The following TNP2 variants were observed in gnomAD, a reference collection of about 807,000 sequenced individuals.
TNP2 encodes the protein transition protein 2.
In TNP2, 10 loss-of-function variants were observed where a neutral mutation model predicts 8.5. The observed-to-expected ratio is 1.17, with a 90% CI of 0.72 to 1.99. The LOEUF (loss-of-function observed/expected upper bound fraction) is 1.99, where lower values mean the gene tolerates loss of function less well. TNP2 is among the 30% of genes most tolerant of loss of function. TNP2 has a pLI of 0.00. For synonymous variants in TNP2, 80 were observed against 62.3 expected (o/e 1.28, Z -1.34); for missense variants, 222 against 181.2 (o/e 1.23, Z -1.29).
Position 11,269,312 on chromosome 16 carries a change from A to T in TNP2, c.-50T>A. On this transcript the variant is annotated 5_prime_UTR_variant, in exon 1 of 2. Transcript: ENST00000312693. ...GGCCTCCTCCTCATCCTCTCCCAGC[A>T]GGCCTAGCTTTACAGAGGCCCTGGC... 1 of 1,552,768 alleles carries T rather than the reference A, an allele frequency of 6.4e-7. No individual in the cohort carries two copies. The highest frequency in any genetic ancestry group is 8.6e-7 in the Non-Finnish European group (1 of 1,157,092).
chr16:11,268,930 GC>G lies in TNP2; in HGVS notation c.332del (p.Gly111AlafsTer3). The G allele has an allele frequency of 6.2e-7, 1 of 1,607,642 alleles. No homozygotes were observed. Among genetic ancestry groups the G allele is most frequent in the Non-Finnish European group, 8.5e-7 (1 of 1,178,070 alleles). On this transcript the variant is annotated frameshift_variant, in exon 1 of 2. Coordinates refer to ENST00000312693, the MANE Select transcript of TNP2 (RefSeq NM_005425.5). LOFTEE classifies it high-confidence loss of function. The part of the protein sequence containing the change: ...RCPKNRKNLE[G>X]KLKKKKMAKR... ...TGGCCATTTTTTTCTTTTTCAGCTT[GC>G]CTTCCAAGTTCTTTCTGTTCTTGGG... is the stretch of plus-strand genomic sequence containing the variant.
intron 1 of TNP2, 197 bp from the exon 2 acceptor site, chr16:11,268,209 C>T (rs1449798051): frequency 4.8e-5 from 26 of 539,668 alleles, no homozygotes; most frequent in Middle Eastern, 4.8e-4. Context: ...TTCCATTTGT[C>T]ATCCACCCAT....
In TNP2 at chr16:11,269,296, C is replaced by T. The variant is rs1327084278; in HGVS notation, c.-34G>A. 6.4e-7 allele frequency: 1 copy of T among 1,573,372 alleles called. No homozygotes were observed. Among genetic ancestry groups the T allele is most frequent in the Non-Finnish European group, 8.6e-7 (1 of 1,165,772 alleles). ...ACGTTTGGAGGGGCAGGGCCTCCTCCTCATCCTCTCCCAGCAGGCCTAGCT... is the reference window on the plus strand; with the variant it reads ...ACGTTTGGAGGGGCAGGGCCTCCTCTTCATCCTCTCCCAGCAGGCCTAGCT... On this transcript the variant is annotated 5_prime_UTR_variant, in exon 1 of 2. Coordinates refer to ENST00000312693, the MANE Select transcript of TNP2 (RefSeq NM_005425.5).
Position 11,269,026 on chromosome 16 carries a change from T to C in TNP2, c.237A>G (p.Pro79=). 1 of 1,613,860 alleles carries C rather than the reference T, an allele frequency of 6.2e-7. No individual in the cohort carries two copies. Among genetic ancestry groups the C allele is most frequent in the Non-Finnish European group, 8.5e-7 (1 of 1,179,860 alleles). ...QSQSPNTSPP[P]KRHKKTMNSH... is the part of the protein sequence containing the mutation. ...AGTTCATAGTCTTTTTGTGGCGCTT[T>C]GGTGGTGGACTAGTGTTGGGACTCT... The change falls in exon 1 of 2, where the codon CCA becomes CCG. Residue 79 remains proline (P), a synonymous_variant. Coordinates refer to ENST00000312693, the MANE Select transcript of TNP2 (RefSeq NM_005425.5).
Position 11,269,130 on chromosome 16 carries a change from G to C in TNP2, c.133C>G (p.Arg45Gly), listed in dbSNP as rs766304979. The C allele has an allele frequency of 1.2e-6, 2 of 1,613,874 alleles. No homozygotes were observed. The highest frequency in any genetic ancestry group is 1.7e-6 in the Non-Finnish European group (2 of 1,179,910). ...GGGCTCTGGCTGGAGCTCTGGCTCC[G>C]GCTGCCACGATGGCTCTGTCTGCAA... The part of the protein sequence containing the change: ...QSCRQSHRGS[R>G]SQSSSQSPAS... The change falls in exon 1 of 2, where the codon CGG (arginine) becomes GGG (glycine). Residue 45 changes from arginine to glycine, a missense_variant. Physicochemically the swap from Arg to Gly is moderately radical, Grantham distance 125 (BLOSUM62 -2). Coordinates refer to ENST00000312693, the MANE Select transcript of TNP2 (RefSeq NM_005425.5).
At chr16:11,268,797 G>T in intron 1 of TNP2, 66 bp downstream of exon 1, 1 of 1,471,714 alleles carries the variant, frequency 6.8e-7, no homozygotes. Flanking sequence ...TCCTCTCACT[G>T]CCCCCAAGGT....
Position 11,268,004 on chromosome 16 carries a change from A to C in TNP2, c.409T>G (p.Ser137Ala). ...CAAGGAGTGCGGTCTCATTAGTTGG[A>C]TTTCCATCCTAAGGGATAAGAGTGG... ...KTKTRSSGWKSN is the reference protein window; with the variant it reads ...KTKTRSSGWKAN Residue 137 changes from serine to alanine, a missense_variant, in exon 2 of 2, where the codon TCC becomes GCC. Ser to Ala is a moderately conservative substitution (Grantham distance 99). Transcript: ENST00000312693. 1 of 1,612,482 alleles carries C rather than the reference A, an allele frequency of 6.2e-7. No individual in the cohort carries two copies. Among genetic ancestry groups the C allele is most frequent in the Non-Finnish European group, 8.5e-7 (1 of 1,179,318 alleles).
chr16:11,269,161 G>A lies in TNP2; in HGVS notation c.102C>T (p.Ser34=), dbSNP rs768232537. 3.7e-6 allele frequency: 6 copies of A among 1,613,714 alleles called. No individual in the cohort carries two copies. The highest frequency in any genetic ancestry group is 5.1e-6 in the Non-Finnish European group (6 of 1,179,912). ...CACGATGGCTCTGTCTGCAACTCTG[G>A]CTGAAGGTTTGGCAATGGCGGGTGC... is the stretch of plus-strand genomic sequence containing the variant. ...RTCTRHCQTF[S]QSCRQSHRGS... Residue 34 remains serine (S), a synonymous_variant, in exon 1 of 2, where the codon AGC becomes AGT. Coordinates refer to ENST00000312693, the MANE Select transcript of TNP2 (RefSeq NM_005425.5).
At chr16:11,268,100 A>G (rs892293869) in intron 1 of TNP2, 88 bp from the exon 2 acceptor site, 5 of 1,270,664 alleles carry the variant, frequency 3.9e-6, no homozygotes, top group African/African-American at 2.9e-5. Flanking sequence ...AGGTCTTACA[A>G]CTACTCATTT....
At position 11,268,291 on chromosome 16, in the gene TNP2, A is replaced by T. The variant is rs1308285562; in HGVS notation, c.401-279T>A. On this transcript the variant is annotated intron_variant, in intron 1 of 1. Transcript: ENST00000312693. ...TTCTATCCCATTAGTCTAGATATCT[A>T]TTCTTCTCTCTGTTTATTCAATTAC... 4.4e-5 allele frequency: 18 copies of T among 406,236 alleles called. No homozygotes were observed. In the East Asian group the frequency reaches 7.9e-4, roughly 18 times the overall value. The allele number at this position is 406,236 out of a possible 1,614,324, so 25.2% of individuals were successfully genotyped here. A position where few individuals can be genotyped will look rare whatever the true frequency, so the allele number is the denominator to read the frequency against.
rs1255206262 is a variant in TNP2 at position 11,268,969 on chromosome 16, C to T, written c.294G>A (p.Leu98=). 6.8e-6 allele frequency: 11 copies of T among 1,613,804 alleles called. No individual in the cohort carries two copies. Among genetic ancestry groups the T allele is most frequent in the African/African-American group, 1.3e-5 (1 of 74,884 alleles). Residue 98 remains leucine (L), a synonymous_variant, in exon 1 of 2, where the codon CTG becomes CTA. Transcript: ENST00000312693. ...SHHSPMRPTI[L]HCRCPKNRKN... Reference sequence around the variant, plus strand: ...TTCTGTTCTTGGGGCAGCGGCAGTGCAGGATGGTGGGCCGCATGGGAGAGT... The same window carrying T: ...TTCTGTTCTTGGGGCAGCGGCAGTGTAGGATGGTGGGCCGCATGGGAGAGT...
chr16:11,267,858 A>G lies in TNP2; in HGVS notation c.*138T>C. On this transcript the variant is annotated 3_prime_UTR_variant, in exon 2 of 2. Coordinates refer to ENST00000312693, the MANE Select transcript of TNP2 (RefSeq NM_005425.5). The stretch of plus-strand genomic sequence containing the variant: ...AAAATGACTATGACTACTCAGGGAT[A>G]GTCTTCCAGGTACAAGCTTTAATTA... 1.1e-6 allele frequency: 1 copy of G among 947,460 alleles called. No homozygotes were observed. The highest frequency in any genetic ancestry group is 1.6e-5 in the South Asian group (1 of 61,606). The allele number at this position is 947,460 out of a possible 1,614,324, so 58.7% of individuals were successfully genotyped here. A position where few individuals can be genotyped will look rare whatever the true frequency, so the allele number is the denominator to read the frequency against.
rs2069730605 is a variant in TNP2 at position 11,267,975 on chromosome 16, A to C, written c.*21T>G. On this transcript the variant is annotated 3_prime_UTR_variant, in exon 2 of 2. Transcript: ENST00000312693. The stretch of plus-strand genomic sequence containing the variant: ...TCCTTTGGGTGAAACACGCAGGAAC[A>C]AGCCAAGGAGTGCGGTCTCATTAGT... 6.2e-7 allele frequency: 1 copy of C among 1,611,180 alleles called. No homozygotes were observed. The highest frequency in any genetic ancestry group is 1.3e-5 in the African/African-American group (1 of 74,906).
chr16:11,268,939 GT>G lies in TNP2; in HGVS notation c.323del (p.Asn108ThrfsTer6), dbSNP rs754455592. The G allele has an allele frequency of 1.2e-5, 19 of 1,610,812 alleles. No homozygotes were observed. The highest frequency in any genetic ancestry group is 1.7e-4 in the Middle Eastern group (1 of 6,044). ...TTTTCTTTTTCAGCTTGCCTTCCAA[GT>G]TCTTTCTGTTCTTGGGGCAGCGGCA... ...LHCRCPKNRK[N>X]LEGKLKKKKM... On this transcript the variant is annotated frameshift_variant, in exon 1 of 2. Transcript: ENST00000312693. LOFTEE classifies it high-confidence loss of function.
chr16:11,269,280 G>T lies in TNP2; in HGVS notation c.-18C>A. 1.3e-6 allele frequency: 2 copies of T among 1,589,836 alleles called. No individual in the cohort carries two copies. The highest frequency in any genetic ancestry group is 1.7e-6 in the Non-Finnish European group (2 of 1,173,678). ...GTGTCCATAGGAGGCCACGTTTGGA[G>T]GGGCAGGGCCTCCTCCTCATCCTCT... On this transcript the variant is annotated 5_prime_UTR_variant, in exon 1 of 2. Transcript: ENST00000312693.
chr16:11,268,878 T>G lies in TNP2; in HGVS notation c.385A>C (p.Lys129Gln). ...AKRIQQVYKT[K>Q]TRSSGWKSN ...TAAAGGGTACCTGAGCTCCGCGTCT[T>G]GGTTTTGTACACCTGCTGGATCCTC... The change falls in exon 1 of 2, where the codon AAG becomes CAG. Residue 129 changes from lysine (K) to glutamine (Q), a missense_variant. Lys to Gln is a moderately conservative substitution (Grantham distance 53). Transcript: ENST00000312693. 6.3e-7 allele frequency: 1 copy of G among 1,587,636 alleles called. No individual in the cohort carries two copies. The highest frequency in any genetic ancestry group is 8.6e-7 in the Non-Finnish European group (1 of 1,167,996).
rs763158305 is a variant in TNP2 at position 11,269,265 on chromosome 16, G to A, written c.-3C>T. The stretch of plus-strand genomic sequence containing the variant: ...AGGCTGTGAGTCTGGGTGTCCATAG[G>A]AGGCCACGTTTGGAGGGGCAGGGCC... On this transcript the variant is annotated 5_prime_UTR_variant, in exon 1 of 2. Coordinates refer to ENST00000312693, the MANE Select transcript of TNP2 (RefSeq NM_005425.5). 8 of 1,597,460 alleles carry A rather than the reference G, an allele frequency of 5.0e-6. No homozygotes were observed. The highest frequency in any genetic ancestry group is 6.8e-6 in the Non-Finnish European group (8 of 1,177,430).
At position 11,269,156 on chromosome 16, in the gene TNP2, C is replaced by T; in HGVS notation, c.107G>A (p.Ser36Asn). The T allele has an allele frequency of 1.2e-6, 2 of 1,613,894 alleles. No homozygotes were observed. Among genetic ancestry groups the T allele is most frequent in the South Asian group, 1.1e-5 (1 of 91,078 alleles). ...GCTGCCACGATGGCTCTGTCTGCAACTCTGGCTGAAGGTTTGGCAATGGCG... is the reference window on the plus strand; with the variant it reads ...GCTGCCACGATGGCTCTGTCTGCAATTCTGGCTGAAGGTTTGGCAATGGCG... Reference protein sequence around the residue: ...CTRHCQTFSQSCRQSHRGSRS... With the variant: ...CTRHCQTFSQNCRQSHRGSRS... The change falls in exon 1 of 2, where the codon AGT becomes AAT. Residue 36 changes from serine (S) to asparagine (N), a missense_variant. By Grantham distance (46) the Ser-to-Asn change is conservative. Coordinates refer to ENST00000312693, the MANE Select transcript of TNP2 (RefSeq NM_005425.5).
Position 11,268,869 on chromosome 16 carries a change from T to C in TNP2, c.394A>G (p.Ser132Gly). The change falls in exon 1 of 2, where the codon AGC (serine) becomes GGC (glycine). Residue 132 changes from serine to glycine, a missense_variant. Ser to Gly is a moderately conservative substitution (Grantham distance 56). Coordinates refer to ENST00000312693, the MANE Select transcript of TNP2 (RefSeq NM_005425.5). ...IQQVYKTKTR[S>G]SGWKSN is the part of the protein sequence containing the mutation. ...CCACCTCCTTAAAGGGTACCTGAGCTCCGCGTCTTGGTTTTGTACACCTGC... is the reference window on the plus strand; with the variant it reads ...CCACCTCCTTAAAGGGTACCTGAGCCCCGCGTCTTGGTTTTGTACACCTGC... The C allele has an allele frequency of 6.3e-7, 1 of 1,576,842 alleles. No individual in the cohort carries two copies. The highest frequency in any genetic ancestry group is 1.8e-5 in the Admixed American group (1 of 54,298).
Sources: allele counts gnomAD v4.1 joint callset, GRCh38; gene constraint gnomAD v4.1.1; transcripts MANE v1.5; gene names NCBI Gene and HGNC (gene_info 2026-07-23, HGNC 2026-07-21).